Variants in IQCM observed in about 807,000 individuals in gnomAD.
IQCM encodes the protein IQ domain-containing protein M.
IQCM carries 45 observed loss-of-function variants against 57.6 expected under a neutral mutation model. The ratio of observed to expected loss-of-function variants is 0.78; its 90% confidence interval spans 0.62 to 1.00. The LOEUF (loss-of-function observed/expected upper bound fraction) is 1.00. Ranked by LOEUF, IQCM falls within the 50% of genes least tolerant of loss-of-function variation. IQCM has a pLI of 0.00. For missense variants in IQCM, 468 were observed against 511.6 expected (o/e 0.91, Z 0.82); for synonymous variants, 148 against 158.9 (o/e 0.93, Z 0.51).
In IQCM at chr4:149,644,090, T is replaced by C. The variant is rs556046356; in HGVS notation, c.566-22846A>G. Reference sequence around the variant, plus strand: ...TCGGTTTAAGGCAAACTGGGCCAGTTGGTCACCCTAAAATTTCCTATTCCC... The same window carrying C: ...TCGGTTTAAGGCAAACTGGGCCAGTCGGTCACCCTAAAATTTCCTATTCCC... On this transcript the variant is annotated intron_variant, in intron 7 of 13. Coordinates refer to ENST00000636793, the MANE Select transcript of IQCM (RefSeq NM_001363507.2). Among the ~76,000 whole-genome samples the C allele has an allele frequency of 5.3e-5, 8 of 152,292 alleles. No individual in the cohort carries two copies. In the South Asian group the frequency reaches 1.4e-3, roughly 28 times the overall value.
chr4:149,491,032 T>C (rs963859492), intron 12 of IQCM, among the ~76,000 whole-genome samples: 2 of 152,102 alleles, frequency 1.3e-5, no homozygotes, highest in African/African-American at 4.8e-5. Context: ...CTGATTATTG[T>C]CTTCAAGTTT....
intron 13 of IQCM, among the ~76,000 whole-genome samples, chr4:149,369,014 G>GTATATA (rs59034048): frequency 5.6e-5 from 3 of 53,862 alleles, no homozygotes; most frequent in African/African-American, 8.7e-5. Context: ...ATATACACGT[G>GTATATA]TATATATATA....
chr4:149,486,021 CT>C, intron 12 of IQCM, among the ~76,000 whole-genome samples: 1 of 35,518 alleles, frequency 2.8e-5, no homozygotes, highest in Non-Finnish European at 5.1e-5. Flanking sequence ...AACAGAGTCT[CT>C]CTCTCTCTCT....
At chr4:149,508,417 G>C (rs184439581) in intron 12 of IQCM, among the ~76,000 whole-genome samples, 5 of 152,186 alleles carry the variant, frequency 3.3e-5, no homozygotes, top group Non-Finnish European at 5.9e-5. Flanking sequence ...AGCTACCCAA[G>C]ACCATGGGAA....
intron 12 of IQCM, among the ~76,000 whole-genome samples, chr4:149,540,693 T>G (rs1747766711): frequency 6.6e-6 from 1 of 152,128 alleles, no homozygotes; most frequent in African/African-American, 2.4e-5. Flanking sequence ...TTTTATTCTA[T>G]TAATGAAGAA....
chr4:149,387,330 G>T, intron 13 of IQCM, among the ~76,000 whole-genome samples: 1 of 151,970 alleles, frequency 6.6e-6, no homozygotes, highest in Admixed American at 6.6e-5. Flanking sequence ...CACCTTGAGG[G>T]TTGGGATTTC....
At chr4:149,606,211 C>A (rs1192520477) in intron 8 of IQCM, among the ~76,000 whole-genome samples, 1 of 152,114 alleles carries the variant, frequency 6.6e-6, no homozygotes, top group Non-Finnish European at 1.5e-5. Context: ...CCAGCATCAC[C>A]CCTCCCCCAG....
At chr4:149,638,916 GTCC>G (rs1757949138) in intron 7 of IQCM, among the ~76,000 whole-genome samples, 1 of 36,010 alleles carries the variant, frequency 2.8e-5, no homozygotes, top group African/African-American at 1.7e-4. Context: ...CTGCTTCTAA[GTCC>G]TAAACTGGCA....
chr4:149,558,290 A>G (rs1359265554), intron 10 of IQCM, among the ~76,000 whole-genome samples: 2 of 152,182 alleles, frequency 1.3e-5, no homozygotes, highest in East Asian at 3.9e-4. Flanking sequence ...GGTTTCAAGG[A>G]GGGCATCCTT....
intron 12 of IQCM, among the ~76,000 whole-genome samples, chr4:149,515,276 G>A (rs187598107): frequency 2.0e-5 from 3 of 152,116 alleles, no homozygotes; most frequent in Non-Finnish European, 4.4e-5. Flanking sequence ...GTCACCATGC[G>A]ACCTGAATTG....
At chr4:149,591,379 T>G (rs927120913) in intron 8 of IQCM, among the ~76,000 whole-genome samples, 1 of 152,058 alleles carries the variant, frequency 6.6e-6, no homozygotes, top group Non-Finnish European at 1.5e-5. Flanking sequence ...TAACTCCTAT[T>G]AGCATAAAAT....
At chr4:149,352,871 G>C (rs1728674644) in intron 13 of IQCM, among the ~76,000 whole-genome samples, 5 of 152,074 alleles carry the variant, frequency 3.3e-5, no homozygotes, top group Admixed American at 3.3e-4. Flanking sequence ...ATTATACAAA[G>C]AAATAATTTA....
intron 2 of IQCM, among the ~76,000 whole-genome samples, chr4:149,791,933 T>C (rs561232050): frequency 5.2e-4 from 79 of 152,226 alleles, no homozygotes; most frequent in African/African-American, 1.7e-3. Flanking sequence ...GGTTGAAAAC[T>C]AAAATTGTTT....
chr4:149,693,985 AC>A (rs1205992679), intron 5 of IQCM, among the ~76,000 whole-genome samples: 1 of 152,144 alleles, frequency 6.6e-6, no homozygotes, highest in African/African-American at 2.4e-5. Flanking sequence ...TGGTTGGCCC[AC>A]CATCCCTTTA....
chr4:149,457,308 G>GAT (rs1332350912), intron 12 of IQCM, among the ~76,000 whole-genome samples: 2 of 152,040 alleles, frequency 1.3e-5, no homozygotes, highest in Non-Finnish European at 2.9e-5. Flanking sequence ...AAATCTCTCT[G>GAT]ATTGTCCTCT....
intron 13 of IQCM, among the ~76,000 whole-genome samples, chr4:149,414,334 C>T (rs1010196288): frequency 2.6e-5 from 4 of 152,088 alleles, no homozygotes; most frequent in Non-Finnish European, 4.4e-5. Context: ...TGCCCAAAAC[C>T]GATGCCTCAA....
At chr4:149,539,794 G>A (rs1747670386) in intron 12 of IQCM, among the ~76,000 whole-genome samples, 1 of 152,134 alleles carries the variant, frequency 6.6e-6, no homozygotes, top group Admixed American at 6.5e-5. Context: ...GAAACCAGGA[G>A]GTGGGGGTTG....
chr4:149,380,219 C>CGTGTGTGT (rs375972746), intron 13 of IQCM, among the ~76,000 whole-genome samples: 3 of 148,344 alleles, frequency 2.0e-5, no homozygotes, highest in South Asian at 2.2e-4. Flanking sequence ...TGAATGTGCT[C>CGTGTGTGT]GTGTGTGTGT....
intron 2 of IQCM, among the ~76,000 whole-genome samples, chr4:149,771,041 T>A (rs555193731): frequency 2.6e-5 from 4 of 152,224 alleles, no homozygotes; most frequent in African/African-American, 9.6e-5. Flanking sequence ...TCATGATTTA[T>A]ATTTTCCATC....
Sources: allele counts gnomAD v4.1 joint callset (sites outside exome capture counted in the v4.1 genomes callset), GRCh38; gene constraint gnomAD v4.1.1; transcripts MANE v1.5; gene names NCBI Gene and HGNC (gene_info 2026-07-23, HGNC 2026-07-21).